The following BCL2 variants were observed in gnomAD, a reference collection of about 807,000 sequenced individuals.
The protein encoded by BCL2 is BCL2 apoptosis regulator.
Under a neutral mutation model 14.2 loss-of-function variants are expected in BCL2, and 1 was observed. The observed-to-expected ratio is 0.07, with a 90% CI of 0.02 to 0.33. The LOEUF is 0.33. Ranked by LOEUF, BCL2 falls within the 10% of genes least tolerant of loss-of-function variation. The pLI is 0.99. For missense variants in BCL2, 247 were observed against 305.9 expected, an observed-to-expected ratio of 0.81 and a Z score of 1.44; for synonymous variants, 151 against 137.2, an observed-to-expected ratio of 1.10 and a Z score of -0.70.
At chr18:63,239,622 C>A (rs1342399639) in intron 2 of BCL2, among the ~76,000 whole-genome samples, 1 of 152,100 alleles carries the variant, frequency 6.6e-6, no homozygotes, top group Non-Finnish European at 1.5e-5. Flanking sequence ...TGCCTGTAAT[C>A]CCAGCTACTT....
chr18:63,301,489 A>G (rs1418320507), intron 2 of BCL2, among the ~76,000 whole-genome samples: 2 of 152,246 alleles, frequency 1.3e-5, no homozygotes, highest in Non-Finnish European at 2.9e-5. Context: ...AGGTTGGCTG[A>G]GCTCTTATGA....
intron 2 of BCL2, among the ~76,000 whole-genome samples, chr18:63,292,658 A>C (rs577528567): frequency 7.9e-5 from 12 of 152,320 alleles, no homozygotes; most frequent in African/African-American, 2.9e-4. Flanking sequence ...CTCTTCACCA[A>C]TGTCTTGAAT....
chr18:63,217,755 G>A (rs762844996), intron 2 of BCL2, among the ~76,000 whole-genome samples: 4 of 152,208 alleles, frequency 2.6e-5, no homozygotes, highest in African/African-American at 7.2e-5. Flanking sequence ...GCTAAGGTTA[G>A]ACAAAGTGAT....
At chr18:63,133,647 G>T (rs1914132426) in intron 2 of BCL2, among the ~76,000 whole-genome samples, 1 of 152,066 alleles carries the variant, frequency 6.6e-6, no homozygotes, top group Non-Finnish European at 1.5e-5. Context: ...AGGTCAGATT[G>T]TCAAGAATGG....
intron 2 of BCL2, among the ~76,000 whole-genome samples, chr18:63,265,963 T>C (rs1911811418): frequency 6.6e-6 from 1 of 152,112 alleles, no homozygotes; most frequent in Admixed American, 6.5e-5. Context: ...CATAAACTAC[T>C]AATGAGAAAA....
At chr18:63,178,133 G>A (rs1915393639) in intron 2 of BCL2, among the ~76,000 whole-genome samples, 1 of 152,276 alleles carries the variant, frequency 6.6e-6, no homozygotes, top group Middle Eastern at 3.4e-3. Context: ...TGAAAGCATT[G>A]GTTATGGCAG....
intron 2 of BCL2, among the ~76,000 whole-genome samples, chr18:63,141,468 C>T (rs1423912007): frequency 6.6e-6 from 1 of 152,206 alleles, no homozygotes; most frequent in African/African-American, 2.4e-5. Flanking sequence ...AATCTCTTTG[C>T]TTTTATGAGC....
At chr18:63,174,751 C>T (rs1043026300) in intron 2 of BCL2, among the ~76,000 whole-genome samples, 8 of 140,754 alleles carry the variant, frequency 5.7e-5, no homozygotes, top group Non-Finnish European at 1.2e-4. Flanking sequence ...ACCCAGGAGG[C>T]GGAAGTTGCA....
intron 2 of BCL2, among the ~76,000 whole-genome samples, chr18:63,259,357 A>G (rs1911585804): frequency 6.6e-6 from 1 of 152,204 alleles, no homozygotes; most frequent in South Asian, 2.1e-4. Flanking sequence ...CGCAGTTTGC[A>G]TGCACGCAGG....
chr18:63,302,100 G>A (rs897717111), intron 2 of BCL2, among the ~76,000 whole-genome samples: 25 of 152,058 alleles, frequency 1.6e-4, no homozygotes, highest in African/African-American at 5.8e-4. Flanking sequence ...GGCCGAGGCA[G>A]GTGGATCATC....
chr18:63,128,369 T>A lies in BCL2; in HGVS notation c.*256A>T, dbSNP rs1238663499. ...TTTTGATGGGACTGTCTTAAATAAA[T>A]AAATCTTTTTTTCTTAATAATGTAA... On this transcript the variant is annotated 3_prime_UTR_variant, in exon 3 of 3. Transcript: ENST00000333681. 7 of 359,966 alleles carry A rather than the reference T, an allele frequency of 1.9e-5. No homozygotes were observed. The highest frequency in any genetic ancestry group is 3.5e-5 in the Non-Finnish European group (7 of 198,454). The allele number at this position is 359,966 out of a possible 1,614,324, so 22.3% of individuals were successfully genotyped here. A position where few individuals can be genotyped will look rare whatever the true frequency, so the allele number is the denominator to read the frequency against.
In BCL2 at chr18:63,169,369, C is replaced by CTTTCTTTCTT. The variant is rs372286465; in HGVS notation, c.586-40611_586-40610insAAGAAAGAAA. ...TCTTTCTTTCTTTCTTTCTTTCTTT[C>CTTTCTTTCTT]TCTTTCTTTCTTTCTTTCTTTTTCT... On this transcript the variant is annotated intron_variant, in intron 2 of 2. Coordinates refer to ENST00000333681, the MANE Select transcript of BCL2 (RefSeq NM_000633.3). Among the ~76,000 whole-genome samples, 55 of 69,528 alleles carry CTTTCTTTCTT rather than the reference C, an allele frequency of 7.9e-4. 1 individual carries two copies. Among genetic ancestry groups the CTTTCTTTCTT allele is most frequent in the East Asian group, 2.0e-3 (3 of 1,472 alleles). The allele number at this position is 69,528 out of a possible 152,430, so 45.6% of individuals were successfully genotyped here. A position where few individuals can be genotyped will look rare whatever the true frequency, so the allele number is the denominator to read the frequency against.
intron 2 of BCL2, among the ~76,000 whole-genome samples, chr18:63,156,233 G>A (rs1368252561): frequency 6.6e-6 from 1 of 152,122 alleles, no homozygotes; most frequent in Non-Finnish European, 1.5e-5. Context: ...TGTCCCTCAG[G>A]AAAATAAACT....
At chr18:63,285,824 G>C (rs1435117883) in intron 2 of BCL2, among the ~76,000 whole-genome samples, 1 of 152,170 alleles carries the variant, frequency 6.6e-6, no homozygotes. Context: ...CACTCAACTT[G>C]ATTTAGCAAG....
At chr18:63,212,067 C>T (rs532097833) in intron 2 of BCL2, among the ~76,000 whole-genome samples, 54 of 152,224 alleles carry the variant, frequency 3.5e-4, no homozygotes, top group Middle Eastern at 6.8e-3. Flanking sequence ...GTGGCTCACG[C>T]CTGTAATCCC....
chr18:63,219,496 G>T (rs968700720), intron 2 of BCL2, among the ~76,000 whole-genome samples: 1 of 133,110 alleles, frequency 7.5e-6, no homozygotes, highest in South Asian at 2.3e-4. Flanking sequence ...TCGCTCTGTC[G>T]CCCAGGGTAG....
intron 2 of BCL2, among the ~76,000 whole-genome samples, chr18:63,191,836 C>A (rs1277897832): frequency 6.6e-6 from 1 of 152,142 alleles, no homozygotes; most frequent in African/African-American, 2.4e-5. Context: ...AATCTCTGAC[C>A]AATCAGAAAT....
intron 2 of BCL2, among the ~76,000 whole-genome samples, chr18:63,245,174 C>T (rs868112609): frequency 5.9e-5 from 9 of 152,132 alleles, no homozygotes; most frequent in African/African-American, 2.2e-4. Flanking sequence ...TTGTGTGGTG[C>T]CAGAAAGAGT....
At chr18:63,300,411 A>G (rs941585778) in intron 2 of BCL2, among the ~76,000 whole-genome samples, 4 of 151,936 alleles carry the variant, frequency 2.6e-5, no homozygotes, top group Admixed American at 2.6e-4. Flanking sequence ...TTGTTCAAAA[A>G]AAAAGAGAAA....
Sources: gnomAD v4.1 joint callset for allele counts (sites outside exome capture counted in the v4.1 genomes callset) on GRCh38, gnomAD v4.1.1 for gene constraint, MANE v1.5 for transcripts, NCBI Gene and HGNC (gene_info 2026-07-23, HGNC 2026-07-21) for gene names.